ADGRL4: variants seen among roughly 807,000 people sequenced by gnomAD.
ADGRL4 encodes the protein EGF, latrophilin and seven transmembrane domain containing 1.
ADGRL4 carries 90 observed loss-of-function variants against 74.8 expected under a neutral mutation model. The observed-to-expected ratio is 1.20, with a 90% CI of 1.02 to 1.43. The LOEUF (loss-of-function observed/expected upper bound fraction) is 1.43, where lower values mean the gene tolerates loss of function less well. Among genes scored for constraint, ADGRL4 ranks in the 40% most tolerant of loss-of-function variants. The probability of loss-of-function intolerance (pLI) is 0.00; values close to 1 mark genes in which losing one functional copy is unlikely to be tolerated. For synonymous variants in ADGRL4, 311 were observed against 279.2 expected (o/e 1.11, Z -1.14); for missense variants, 881 against 814.3 (o/e 1.08, Z -1.00).
rs920527988 is a variant in ADGRL4 at position 79,004,571 on chromosome 1, T to A, written c.172+499A>T. 4.6e-5 allele frequency among the ~76,000 whole-genome samples: 7 copies of A among 152,134 alleles called. No homozygotes were observed. The South Asian group carries it at 6.2e-4, about 14-fold the overall frequency. ...AAGATGACGTCTTTTCAAAATTCTC[T>A]CTTTCTCTTGTCATTTCCTATGCCC... On this transcript the variant is annotated intron_variant, in intron 2 of 14. Coordinates refer to ENST00000370742, the MANE Select transcript of ADGRL4 (RefSeq NM_022159.4).
chr1:78,936,478 A>G, intron 6 of ADGRL4, 67 bp from the exon 7 acceptor site: 1 of 1,307,192 alleles, frequency 7.6e-7, no homozygotes. Flanking sequence ...TAAATATATT[A>G]GCTTAGAGAC....
rs1369551236 is a variant in ADGRL4, at chr1:78,920,175, C to T, written c.1461+8G>A. 2 of 1,602,724 alleles carry T rather than the reference C, an allele frequency of 1.2e-6. No homozygotes were observed. Among genetic ancestry groups the T allele is most frequent in the Non-Finnish European group, 8.5e-7 (1 of 1,172,280 alleles). On this transcript the variant is annotated splice_region_variant and intron_variant, in intron 10 of 14. Transcript: ENST00000370742. ...AGGACAAAAATAGAGATTAGGATGCCTACATACCTTATTAGTATTTGTATT... is the reference window on the plus strand; with the variant it reads ...AGGACAAAAATAGAGATTAGGATGCTTACATACCTTATTAGTATTTGTATT...
chr1:79,006,282 G>C (rs1004158175), intron 1 of ADGRL4, among the ~76,000 whole-genome samples: 11 of 152,154 alleles, frequency 7.2e-5, no homozygotes, highest in African/African-American at 2.2e-4. Flanking sequence ...TGTTCAAAAT[G>C]AAGCTCAAAT....
At chr1:78,980,040 A>G (rs1326841126) in intron 2 of ADGRL4, among the ~76,000 whole-genome samples, 1 of 151,970 alleles carries the variant, frequency 6.6e-6, no homozygotes, top group African/African-American at 2.4e-5. Flanking sequence ...CTATTGAAAT[A>G]AAATTTAAAC....
chr1:78,976,143 G>A (rs1033383069), intron 2 of ADGRL4, among the ~76,000 whole-genome samples: 5 of 151,900 alleles, frequency 3.3e-5, no homozygotes, highest in Non-Finnish European at 5.9e-5. Context: ...GGTGACTAGA[G>A]TTTACAGGAC....
At position 78,921,655 on chromosome 1, in the gene ADGRL4, G is replaced by A. The variant is rs1483954532; in HGVS notation, c.1215C>T (p.His405=). ...NETHTSCRCN[H]LTHFAILMSS... is the part of the protein sequence containing the mutation. ...ACATCAAAATTGCAAAATGTGTCAG[G>A]TGATTACAGCGGCATGAGGTGTGGG... Residue 405 remains histidine (H), a synonymous_variant, in exon 9 of 15, where the codon CAC becomes CAT. Coordinates refer to ENST00000370742, the MANE Select transcript of ADGRL4 (RefSeq NM_022159.4). 3.1e-6 allele frequency: 5 copies of A among 1,589,370 alleles called. No individual in the cohort carries two copies. The highest frequency in any genetic ancestry group is 1.4e-5 in the African/African-American group (1 of 73,128).
chr1:78,976,825 G>A (rs1650293420), intron 2 of ADGRL4, among the ~76,000 whole-genome samples: 1 of 149,732 alleles, frequency 6.7e-6, no homozygotes, highest in Admixed American at 6.6e-5. Flanking sequence ...GACCCAAATG[G>A]CTTCAATGGT....
intron 4 of ADGRL4, among the ~76,000 whole-genome samples, chr1:78,938,898 T>A (rs576238947): frequency 6.6e-6 from 1 of 152,096 alleles, no homozygotes; most frequent in Non-Finnish European, 1.5e-5. Context: ...TCAAAGTATC[T>A]CTTTACTATT....
intron 2 of ADGRL4, among the ~76,000 whole-genome samples, chr1:78,982,090 A>G (rs1650407775): frequency 6.6e-6 from 1 of 151,856 alleles, no homozygotes; most frequent in African/African-American, 2.4e-5. Context: ...TATTAATATT[A>G]TTTTTGAATT....
chr1:78,991,421 G>C (rs141744589), intron 2 of ADGRL4, among the ~76,000 whole-genome samples: 1 of 152,044 alleles, frequency 6.6e-6, no homozygotes, highest in African/African-American at 2.4e-5. Flanking sequence ...TCTTTCTCCT[G>C]TGTAAATACA....
Position 78,917,725 on chromosome 1 carries a change from T to A in ADGRL4, c.1683-25A>T, listed in dbSNP as rs762358094. The A allele has an allele frequency of 1.8e-5, 29 of 1,593,276 alleles. No homozygotes were observed. In the South Asian group the frequency reaches 3.0e-4, roughly 17 times the overall value. Reference sequence around the variant, plus strand: ...TCTGAAAAGTAAATAAAAGATAGAATCTATAAATATGTTTGCATGTATGTT... The same window carrying A: ...TCTGAAAAGTAAATAAAAGATAGAAACTATAAATATGTTTGCATGTATGTT... On this transcript the variant is annotated intron_variant, in intron 11 of 14. Coordinates refer to ENST00000370742, the MANE Select transcript of ADGRL4 (RefSeq NM_022159.4).
At chr1:78,941,210 T>C (rs1301120921) in intron 3 of ADGRL4, among the ~76,000 whole-genome samples, 3 of 152,138 alleles carry the variant, frequency 2.0e-5, no homozygotes, top group Non-Finnish European at 2.9e-5. Flanking sequence ...TGGAGAACCA[T>C]CAAGGAAAGC....
At chr1:78,916,890 G>T (rs1557496251) in intron 12 of ADGRL4, among the ~76,000 whole-genome samples, 1 of 151,802 alleles carries the variant, frequency 6.6e-6, no homozygotes, top group African/African-American at 2.4e-5. Context: ...AAAGACTGTT[G>T]AAAACTTTCA....
At chr1:78,915,618 C>A (rs559626655) in intron 12 of ADGRL4, among the ~76,000 whole-genome samples, 1 of 151,986 alleles carries the variant, frequency 6.6e-6, no homozygotes, top group South Asian at 2.1e-4. Context: ...AGTCCTCTCA[C>A]GGGGCTATAG....
At chr1:78,946,048 C>CA (rs886468199) in intron 3 of ADGRL4, among the ~76,000 whole-genome samples, 1 of 151,838 alleles carries the variant, frequency 6.6e-6, no homozygotes. Context: ...TTTATTTTTG[C>CA]AAACTTATTC....
chr1:78,907,290 T>A (rs1176369788), intron 12 of ADGRL4, among the ~76,000 whole-genome samples: 1 of 152,078 alleles, frequency 6.6e-6, no homozygotes, highest in African/African-American at 2.4e-5. Flanking sequence ...AAAATAATCT[T>A]ATGTCCGTGA....
intron 2 of ADGRL4, among the ~76,000 whole-genome samples, chr1:78,995,730 A>C (rs967835847): frequency 6.6e-6 from 1 of 152,214 alleles, no homozygotes; most frequent in Non-Finnish European, 1.5e-5. Context: ...AATAACTTTA[A>C]ATCTTGTAGG....
At chr1:78,999,881 G>C (rs990187291) in intron 2 of ADGRL4, among the ~76,000 whole-genome samples, 13 of 151,704 alleles carry the variant, frequency 8.6e-5, no homozygotes, top group Middle Eastern at 6.8e-3. Context: ...ACTGATGGTA[G>C]AGCCTGAAGT....
At chr1:78,939,648 C>T (rs1375091344) in intron 3 of ADGRL4, 1 of 153,054 alleles carries the variant, frequency 6.5e-6, no homozygotes, top group African/African-American at 2.4e-5. Context: ...ATGTAATTTA[C>T]ATTGGCAGTA....
Sources: gnomAD v4.1 joint callset for allele counts (sites outside exome capture counted in the v4.1 genomes callset) on GRCh38, gnomAD v4.1.1 for gene constraint, MANE v1.5 for transcripts, NCBI Gene and HGNC (gene_info 2026-07-23, HGNC 2026-07-21) for gene names.